Variants in RANBP17 observed in about 807,000 individuals in gnomAD.
The protein encoded by RANBP17 is RAN binding protein 17.
Under a neutral mutation model 141.2 loss-of-function variants are expected in RANBP17, and 158 were observed. The ratio of observed to expected loss-of-function variants is 1.12; its 90% CI spans 0.98 to 1.28. The LOEUF is 1.28. RANBP17 is among the 50% of genes most tolerant of loss of function. The pLI is 0.00. For missense variants in RANBP17, 1,438 were observed against 1,290.7 expected (o/e 1.11, Z -1.75); for synonymous variants, 430 against 450.0 (o/e 0.96, Z 0.56).
chr5:171,274,147 TGTGCGC>T (rs1183751730), intron 25 of RANBP17, among the ~76,000 whole-genome samples: 80 of 122,950 alleles, frequency 6.5e-4, no homozygotes, highest in African/African-American at 2.1e-3. Context: ...TGTGTGTGTG[TGTGCGC>T]GCGCGCGCGC....
In RANBP17 at chr5:171,242,716, T is replaced by C; in HGVS notation, c.2672T>C (p.Leu891Pro). The change falls in exon 24 of 28, where the codon CTC becomes CCC. Residue 891 changes from leucine to proline, a missense_variant. Leu to Pro is a moderately conservative substitution (Grantham distance 98). Coordinates refer to ENST00000523189, the MANE Select transcript of RANBP17 (RefSeq NM_022897.5). ...AAACTGAGCCAGTCTTATTATCCAC[T>C]CCTGGAATGTCTCACTCAGGACCAT... ...YRKLSQSYYPLLECLTQDHMS... is the reference protein window; with the variant it reads ...YRKLSQSYYPPLECLTQDHMS... 1 of 1,613,886 alleles carries C rather than the reference T, an allele frequency of 6.2e-7. No homozygotes were observed. Among genetic ancestry groups the C allele is most frequent in the Non-Finnish European group, 8.5e-7 (1 of 1,179,858 alleles).
At chr5:171,035,560 G>T (rs1178982752) in intron 14 of RANBP17, among the ~76,000 whole-genome samples, 3 of 138,738 alleles carry the variant, frequency 2.2e-5, no homozygotes, top group Non-Finnish European at 4.7e-5. Context: ...GTTTTTTAGG[G>T]TTTTTTTTTT....
At chr5:171,124,447 T>C (rs1261686674) in intron 14 of RANBP17, among the ~76,000 whole-genome samples, 1 of 152,096 alleles carries the variant, frequency 6.6e-6, no homozygotes, top group African/African-American at 2.4e-5. Flanking sequence ...TTTAACGAAA[T>C]ACTAGCTGAA....
chr5:170,870,673 G>A (rs1212493595), intron 1 of RANBP17, among the ~76,000 whole-genome samples: 1 of 152,150 alleles, frequency 6.6e-6, no homozygotes, highest in Non-Finnish European at 1.5e-5. Context: ...TAGTGCTGCA[G>A]TAAACATACA....
chr5:170,927,673 T>A (rs1166350042), intron 12 of RANBP17, among the ~76,000 whole-genome samples: 1 of 152,090 alleles, frequency 6.6e-6, no homozygotes, highest in Non-Finnish European at 1.5e-5. Flanking sequence ...TTTCTTTGCA[T>A]ATGTTTTAGA....
intron 18 of RANBP17, among the ~76,000 whole-genome samples, chr5:171,192,527 G>A (rs983568587): frequency 6.6e-6 from 1 of 152,154 alleles, no homozygotes; most frequent in African/African-American, 2.4e-5. Context: ...TCCCTAGGGA[G>A]AAGAATTAAA....
chr5:171,261,841 A>G (rs758993547), intron 24 of RANBP17, among the ~76,000 whole-genome samples: 1 of 152,210 alleles, frequency 6.6e-6, no homozygotes, highest in Non-Finnish European at 1.5e-5. Context: ...TTGAGCTGCA[A>G]ATAAAGAAAA....
chr5:171,089,321 G>T (rs12521472), intron 14 of RANBP17, among the ~76,000 whole-genome samples: 57,444 of 104,994 alleles, frequency 0.55, 16,988 homozygotes, highest in East Asian at 0.84. Flanking sequence ...CCCGTTCTCA[G>T]ATCTCCAGCT....
At chr5:170,897,347 C>T in intron 5 of RANBP17, 2 of 520,706 alleles carry the variant, frequency 3.8e-6, no homozygotes, top group Non-Finnish European at 3.6e-6. Flanking sequence ...CACATTTCTT[C>T]TTCTTCTTCT....
intron 8 of RANBP17, among the ~76,000 whole-genome samples, chr5:170,916,154 T>TC (rs1473074604): frequency 2.3e-4 from 28 of 119,856 alleles, no homozygotes; most frequent in African/African-American, 7.5e-4. Context: ...TATTGCATTA[T>TC]AATGCGTTAT....
intron 14 of RANBP17, among the ~76,000 whole-genome samples, chr5:171,009,084 GA>G (rs1561982997): frequency 1.4e-5 from 2 of 147,628 alleles, no homozygotes; most frequent in African/African-American, 5.4e-5. Flanking sequence ...GAGGAAGACA[GA>G]GTCAAGAGAC....
chr5:170,989,473 G>T (rs981774734), intron 14 of RANBP17, among the ~76,000 whole-genome samples: 3 of 151,668 alleles, frequency 2.0e-5, no homozygotes, highest in African/African-American at 7.2e-5. Context: ...ACTGAATGAG[G>T]AATATTGTGG....
intron 3 of RANBP17, among the ~76,000 whole-genome samples, chr5:170,885,224 G>C (rs559827981): frequency 1.3e-5 from 2 of 152,236 alleles, no homozygotes; most frequent in South Asian, 2.1e-4. Context: ...CAGCAGTAAA[G>C]TACAGAAGTT....
chr5:171,135,222 G>C (rs961207557), intron 14 of RANBP17, among the ~76,000 whole-genome samples: 1 of 150,434 alleles, frequency 6.6e-6, no homozygotes, highest in Non-Finnish European at 1.5e-5. Context: ...GCAGGTTGCA[G>C]TGAGCTGAGA....
intron 19 of RANBP17, among the ~76,000 whole-genome samples, chr5:171,203,310 C>T (rs1472134196): frequency 6.6e-6 from 1 of 152,164 alleles, no homozygotes; most frequent in Non-Finnish European, 1.5e-5. Context: ...GCTGGTTGAG[C>T]TCTTAGTTAA....
chr5:171,056,356 A>G (rs529366303), intron 14 of RANBP17, among the ~76,000 whole-genome samples: 1 of 152,172 alleles, frequency 6.6e-6, no homozygotes, highest in African/African-American at 2.4e-5. Context: ...TCAAAACAAG[A>G]TAACAATCGT....
At chr5:170,939,279 G>T (rs2127472061) in intron 12 of RANBP17, among the ~76,000 whole-genome samples, 1 of 152,124 alleles carries the variant, frequency 6.6e-6, no homozygotes, top group Middle Eastern at 3.4e-3. Flanking sequence ...ACATTTTAAA[G>T]GTTATTTTCG....
chr5:170,960,369 T>G (rs1340835839), intron 13 of RANBP17, among the ~76,000 whole-genome samples: 1 of 152,204 alleles, frequency 6.6e-6, no homozygotes, highest in African/African-American at 2.4e-5. Context: ...GCTGTTTCAC[T>G]GGGATGTTGT....
intron 18 of RANBP17, among the ~76,000 whole-genome samples, chr5:171,186,630 G>A (rs979296094): frequency 3.2e-5 from 4 of 123,864 alleles, no homozygotes; most frequent in South Asian, 2.9e-4. Context: ...TCCGCCTCCC[G>A]GGTTCACGCC....
Sources: allele counts gnomAD v4.1 joint callset (sites outside exome capture counted in the v4.1 genomes callset), GRCh38; gene constraint gnomAD v4.1.1; transcripts MANE v1.5; gene names NCBI Gene and HGNC (gene_info 2026-07-23, HGNC 2026-07-21).